The following FBN2 variants were observed in gnomAD, a reference collection of about 807,000 sequenced individuals.
The protein encoded by FBN2 is fibrillin-2.
A neutral mutation model predicts 355.6 loss-of-function variants in FBN2; 105 were observed. The observed-to-expected ratio is 0.30, with a 90% CI of 0.25 to 0.35. FBN2 has a LOEUF of 0.35. Among genes scored for constraint, FBN2 ranks in the 10% least tolerant of loss-of-function variants. The pLI is 1.00. For synonymous variants in FBN2, 1,350 were observed against 1,301.2 expected (o/e 1.04, Z -0.81); for missense variants, 3,280 against 3,758.7 (o/e 0.87, Z 3.33).
rs777546284 is a variant in FBN2, at chr5:128,537,595, T to C, written c.9A>G (p.Arg3=). 2 of 1,607,474 alleles carry C rather than the reference T, an allele frequency of 1.2e-6. No homozygotes were observed. The highest frequency in any genetic ancestry group is 2.7e-5 in the African/African-American group (2 of 74,814). MG[R]RRRLCLQLYF... The stretch of plus-strand genomic sequence containing the variant: ...AGAGCTGGAGACACAGCCTCCGTCT[T>C]CTCCCCATCGCCGGCGCCGAAAGCG... Residue 3 remains arginine, a synonymous_variant, in exon 1 of 65, where the codon AGA becomes AGG. Transcript: ENST00000262464.
intron 5 of FBN2, among the ~76,000 whole-genome samples, chr5:128,482,258 G>T (rs553067679): frequency 6.6e-6 from 1 of 152,148 alleles, no homozygotes; most frequent in African/African-American, 2.4e-5. Context: ...CTTGGTGGGA[G>T]AAACTGATGC....
chr5:128,430,454 T>C (rs937904830), intron 7 of FBN2, among the ~76,000 whole-genome samples: 1 of 152,236 alleles, frequency 6.6e-6, no homozygotes, highest in Non-Finnish European at 1.5e-5. Flanking sequence ...AAGCACTTTC[T>C]TTCTTGTTCA....
rs1388755471 is a variant in FBN2 at position 128,263,589 on chromosome 5, G to A, written c.8028C>T (p.Tyr2676=). 6.2e-7 allele frequency: 1 copy of A among 1,614,148 alleles called. No homozygotes were observed. The highest frequency in any genetic ancestry group is 2.2e-5 in the East Asian group (1 of 44,872). The part of the protein sequence containing the change: ...SASCYNTLGS[Y]KCACPSGFSF... ...AGAACCCCGAGGGGCAGGCGCACTT[G>A]TAACTCCCCAGGGTGTTGTAGCAGG... The change falls in exon 63 of 65, where the codon TAC becomes TAT. Residue 2676 remains tyrosine (Y), a synonymous_variant. Transcript: ENST00000262464.
chr5:128,507,573 G>A (rs910969728), intron 5 of FBN2, among the ~76,000 whole-genome samples: 3 of 151,948 alleles, frequency 2.0e-5, no homozygotes, highest in African/African-American at 7.2e-5. Flanking sequence ...CCACATGCAT[G>A]GAACTCATGG....
chr5:128,305,782 C>T (rs896097938), intron 43 of FBN2, 41 bp downstream of exon 43: 18 of 1,610,348 alleles, frequency 1.1e-5, no homozygotes, highest in Admixed American at 1.7e-5. Context: ...TATATGTATA[C>T]CAAATTATAC....
chr5:128,292,481 T>C (rs1187448953), intron 48 of FBN2, among the ~76,000 whole-genome samples: 3 of 152,184 alleles, frequency 2.0e-5, no homozygotes, highest in Non-Finnish European at 4.4e-5. Flanking sequence ...GTTGCACCTT[T>C]AGCTCCTAGC....
At chr5:128,404,068 C>T (rs908735416) in intron 8 of FBN2, among the ~76,000 whole-genome samples, 9 of 152,262 alleles carry the variant, frequency 5.9e-5, no homozygotes, top group African/African-American at 2.2e-4. Flanking sequence ...AGATAACACG[C>T]AGTTTAGTAT....
chr5:128,385,361 T>C (rs1168384869), intron 11 of FBN2, among the ~76,000 whole-genome samples: 1 of 152,170 alleles, frequency 6.6e-6, no homozygotes, highest in Non-Finnish European at 1.5e-5. Flanking sequence ...TCCAGCTCCA[T>C]CCATGTTGTT....
chr5:128,481,001 C>T (rs1755169203), intron 5 of FBN2, among the ~76,000 whole-genome samples: 1 of 152,122 alleles, frequency 6.6e-6, no homozygotes, highest in Admixed American at 6.5e-5. Flanking sequence ...TAGCAGGATC[C>T]TTCCAAGAAG....
At position 128,374,728 on chromosome 5, in the gene FBN2, T is replaced by C; in HGVS notation, c.1995A>G (p.Pro665=). 1.2e-6 allele frequency: 2 copies of C among 1,613,934 alleles called. No individual in the cohort carries two copies. The highest frequency in any genetic ancestry group is 2.2e-5 in the East Asian group (1 of 44,876). Residue 665 remains proline (P), a synonymous_variant, in exon 15 of 65, where the codon CCA becomes CCG. Coordinates refer to ENST00000262464, the MANE Select transcript of FBN2 (RefSeq NM_001999.4). ...TGCAGTGCCCATTCATGCAGATTCC[T>C]GGGGTCTGGCATTCATCAACATCTG... ...YCTDVDECQT[P]GICMNGHCIN... is the part of the protein sequence containing the mutation.
chr5:128,288,623 A>AC, intron 52 of FBN2, 66 bp from the exon 53 acceptor site: 1 of 1,573,534 alleles, frequency 6.4e-7, no homozygotes, highest in Non-Finnish European at 8.7e-7. Flanking sequence ...GCCCAGGAAG[A>AC]CCCATGCTTG....
intron 5 of FBN2, among the ~76,000 whole-genome samples, chr5:128,488,311 C>T (rs1755396279): frequency 6.6e-6 from 1 of 152,046 alleles, no homozygotes. Flanking sequence ...TGTCAGCTGC[C>T]ACCCTTTTGC....
chr5:128,263,418 G>A lies in FBN2; in HGVS notation c.8192+7C>T, dbSNP rs376135657. On this transcript the variant is annotated splice_region_variant and intron_variant, in intron 63 of 64. Coordinates refer to ENST00000262464, the MANE Select transcript of FBN2 (RefSeq NM_001999.4). ...CCTCTATGTGCTGAGGCTGAAGGCCGCCTTACCCTTGTCCCACTCTGTAAT... is the reference window on the plus strand; with the variant it reads ...CCTCTATGTGCTGAGGCTGAAGGCCACCTTACCCTTGTCCCACTCTGTAAT... 1.4e-5 allele frequency: 22 copies of A among 1,603,134 alleles called. No individual in the cohort carries two copies. The highest frequency in any genetic ancestry group is 1.3e-4 in the East Asian group (6 of 44,816).
At chr5:128,510,196 G>A (rs1340705581) in intron 5 of FBN2, among the ~76,000 whole-genome samples, 1 of 152,002 alleles carries the variant, frequency 6.6e-6, no homozygotes, top group Admixed American at 6.6e-5. Flanking sequence ...GGCCACACTG[G>A]AAGAAGAATT....
At chr5:128,300,321 G>A (rs997546096) in intron 48 of FBN2, among the ~76,000 whole-genome samples, 11 of 152,230 alleles carry the variant, frequency 7.2e-5, no homozygotes, top group African/African-American at 1.4e-4. Context: ...TACAGTGTTC[G>A]TGTGTGCTGG....
At chr5:128,503,291 A>T (rs562441635) in intron 5 of FBN2, among the ~76,000 whole-genome samples, 11 of 152,322 alleles carry the variant, frequency 7.2e-5, no homozygotes, top group Non-Finnish European at 1.2e-4. Context: ...ACCCAGTCTC[A>T]GGTATGTCTT....
rs1765389690 is a variant in FBN2 at position 128,276,123 on chromosome 5, G to T, written c.7509C>A (p.Asn2503Lys). 1 of 1,613,498 alleles carries T rather than the reference G, an allele frequency of 6.2e-7. No individual in the cohort carries two copies. Among genetic ancestry groups the T allele is most frequent in the Admixed American group, 1.7e-5 (1 of 59,992 alleles). Residue 2503 changes from asparagine to lysine, a missense_variant, in exon 59 of 65, where the codon AAC (asparagine) becomes AAA (lysine). Around this residue, in one of 6 missense-constraint regions of FBN2, gnomAD observed 2,284 missense variants for 2,749.5 expected, o/e 0.83. Transcript: ENST00000262464. The stretch of plus-strand genomic sequence containing the variant: ...TCCCCTCAGTGTTCTTGCAGATGTA[G>T]TTGCATGGTTTCGGGGACTGGGAGC... ...DECSQSPKPC[N>K]YICKNTEGSY...
chr5:128,395,342 C>G (rs1561435521), intron 8 of FBN2, 68 bp from the exon 9 acceptor site: 16 of 1,552,896 alleles, frequency 1.0e-5, no homozygotes, highest in Non-Finnish European at 1.4e-5. Flanking sequence ...AATCACTGTA[C>G]ATGAGATGAA....
intron 62 of FBN2, among the ~76,000 whole-genome samples, chr5:128,264,726 T>C (rs1366455): frequency 0.21 from 32,174 of 152,064 alleles, 4,116 homozygotes; most frequent in Non-Finnish European, 0.29. Context: ...TTACCTAATA[T>C]GTGACAAGTA....
Sources: gnomAD v4.1 joint callset for allele counts (sites outside exome capture counted in the v4.1 genomes callset) on GRCh38, gnomAD v4.1.1 for gene constraint, gnomAD v4.1.1 regional missense constraint, MANE v1.5 for transcripts, NCBI Gene and HGNC (gene_info 2026-07-23, HGNC 2026-07-21) for gene names.